CACNG3: variants seen among roughly 807,000 people sequenced by gnomAD.
The protein encoded by CACNG3 is calcium voltage-gated channel auxiliary subunit gamma 3, also known as voltage-dependent calcium channel gamma-3 subunit.
A neutral mutation model predicts 28.5 loss-of-function variants in CACNG3; 3 were observed. The observed-to-expected ratio is 0.11, with a 90% confidence interval of 0.05 to 0.27. The LOEUF (loss-of-function observed/expected upper bound fraction) is 0.27. CACNG3 is among the 10% of genes least tolerant of loss of function. CACNG3 has a pLI of 1.00. For missense variants in CACNG3, 236 were observed against 414.4 expected, an observed-to-expected ratio of 0.57 and a Z score of 3.74; for synonymous variants, 174 against 162.2, an observed-to-expected ratio of 1.07 and a Z score of -0.55.
intron 1 of CACNG3, among the ~76,000 whole-genome samples, chr16:24,334,985 T>C (rs1003529863): frequency 1.1e-4 from 17 of 152,322 alleles, no homozygotes; most frequent in African/African-American, 4.1e-4. Flanking sequence ...AAAATAGAGA[T>C]AATGATATTA....
intron 1 of CACNG3, among the ~76,000 whole-genome samples, chr16:24,338,730 G>A (rs56208891): frequency 0.15 from 22,224 of 152,122 alleles, 1,881 homozygotes; most frequent in Non-Finnish European, 0.18. Flanking sequence ...GATCAAGACC[G>A]TCTCTGTCTT....
chr16:24,268,339 G>A (rs1898642116), intron 1 of CACNG3, among the ~76,000 whole-genome samples: 1 of 152,170 alleles, frequency 6.6e-6, no homozygotes, highest in Non-Finnish European at 1.5e-5. Flanking sequence ...CTGCTAGGTG[G>A]TGACAGGGCT....
chr16:24,359,792 G>A (rs1461946828), intron 3 of CACNG3, among the ~76,000 whole-genome samples: 1 of 152,156 alleles, frequency 6.6e-6, no homozygotes, highest in African/African-American at 2.4e-5. Context: ...TAGCCCAGGA[G>A]GTTGAGGTTA....
At chr16:24,261,508 A>C (rs1308821272) in intron 1 of CACNG3, among the ~76,000 whole-genome samples, 1 of 152,196 alleles carries the variant, frequency 6.6e-6, no homozygotes, top group East Asian at 1.9e-4. Context: ...AGCCAAACCA[A>C]ATTTACCTTG....
At chr16:24,304,961 A>C (rs1596635339) in intron 1 of CACNG3, among the ~76,000 whole-genome samples, 3 of 152,346 alleles carry the variant, frequency 2.0e-5, no homozygotes, top group African/African-American at 7.2e-5. Context: ...TGTTGAATAA[A>C]CTAATTGGTA....
At chr16:24,267,426 T>A (rs913116110) in intron 1 of CACNG3, among the ~76,000 whole-genome samples, 4 of 152,150 alleles carry the variant, frequency 2.6e-5, no homozygotes, top group Admixed American at 6.5e-5. Context: ...TAGCTGCGAC[T>A]ACAGGCACAT....
At chr16:24,305,076 A>T (rs1899167027) in intron 1 of CACNG3, among the ~76,000 whole-genome samples, 1 of 152,170 alleles carries the variant, frequency 6.6e-6, no homozygotes, top group Non-Finnish European at 1.5e-5. Flanking sequence ...GTAACAAAAA[A>T]GGGATGGAAC....
chr16:24,332,836 G>A (rs1416476051), intron 1 of CACNG3, among the ~76,000 whole-genome samples: 3 of 152,016 alleles, frequency 2.0e-5, no homozygotes, highest in African/African-American at 4.8e-5. Context: ...TGCAATTCGC[G>A]GTTTTTGTCT....
chr16:24,324,437 G>A (rs1042888976), intron 1 of CACNG3, among the ~76,000 whole-genome samples: 3 of 152,016 alleles, frequency 2.0e-5, no homozygotes, highest in African/African-American at 7.2e-5. Context: ...AGACATCACT[G>A]GTGCCTGTTT....
At chr16:24,293,127 T>C (rs765288789) in intron 1 of CACNG3, among the ~76,000 whole-genome samples, 1 of 152,196 alleles carries the variant, frequency 6.6e-6, no homozygotes, top group African/African-American at 2.4e-5. Flanking sequence ...AGCCAAGAAG[T>C]TATTGTCCCT....
chr16:24,305,386 G>T (rs1870702859), intron 1 of CACNG3, among the ~76,000 whole-genome samples: 1 of 147,388 alleles, frequency 6.8e-6, no homozygotes. Flanking sequence ...TTAGAGACAG[G>T]TTTGCTCTGT....
At chr16:24,358,035 C>G (rs1394101378) in intron 3 of CACNG3, among the ~76,000 whole-genome samples, 2 of 152,172 alleles carry the variant, frequency 1.3e-5, no homozygotes, top group Non-Finnish European at 2.9e-5. Flanking sequence ...CCCAAAGAAC[C>G]CGAAGATCTT....
intron 1 of CACNG3, among the ~76,000 whole-genome samples, chr16:24,343,029 A>C (rs1034012938): frequency 3.3e-5 from 5 of 152,016 alleles, no homozygotes; most frequent in Admixed American, 2.6e-4. Flanking sequence ...TTCTCTACTA[A>C]AAATAAAAAA....
At chr16:24,299,410 C>G (rs1899076622) in intron 1 of CACNG3, among the ~76,000 whole-genome samples, 2 of 152,156 alleles carry the variant, frequency 1.3e-5, no homozygotes, top group Admixed American at 6.6e-5. Flanking sequence ...TGCTTTCCAG[C>G]ACCTCAAGAT....
intron 2 of CACNG3, among the ~76,000 whole-genome samples, chr16:24,348,624 C>T (rs1291201013): frequency 6.6e-6 from 1 of 152,148 alleles, no homozygotes; most frequent in Non-Finnish European, 1.5e-5. Flanking sequence ...TTTCTCACCC[C>T]TCACATCAGC....
chr16:24,305,637 G>A (rs1432261147), intron 1 of CACNG3, among the ~76,000 whole-genome samples: 2 of 151,940 alleles, frequency 1.3e-5, no homozygotes, highest in African/African-American at 4.8e-5. Context: ...CACACACTGG[G>A]GCCTGTCCTG....
chr16:24,325,744 C>T (rs1567219467), intron 1 of CACNG3, among the ~76,000 whole-genome samples: 4 of 152,178 alleles, frequency 2.6e-5, no homozygotes, highest in Admixed American at 2.0e-4. Context: ...GTGAGTTGCT[C>T]AGGTTTGCAG....
chr16:24,346,367 G>A (rs952397122), intron 1 of CACNG3, among the ~76,000 whole-genome samples: 1 of 152,144 alleles, frequency 6.6e-6, no homozygotes, highest in Non-Finnish European at 1.5e-5. Context: ...GTGGCCAGGA[G>A]TTTGAGGCCA....
At position 24,361,322 on chromosome 16, in the gene CACNG3, G is replaced by T; in HGVS notation, c.437-30G>T. The stretch of plus-strand genomic sequence containing the variant: ...GACAGTTCTCTCCGAGGTGTATAAA[G>T]GACGTGTTTTTCTTTTCCCCTTCTC... On this transcript the variant is annotated intron_variant, in intron 3 of 3. Coordinates refer to ENST00000005284, the MANE Select transcript of CACNG3 (RefSeq NM_006539.4). This position sits in a 1 kb window ranked among gnomAD's most constrained non-coding sequence, Gnocchi z 6.8. 1 of 1,519,288 alleles carries T rather than the reference G, an allele frequency of 6.6e-7. No homozygotes were observed. The highest frequency in any genetic ancestry group is 1.3e-5 in the South Asian group (1 of 77,884). 94.1% of individuals were successfully genotyped at this position (1,519,288 alleles called of 1,614,324 possible).
Sources: allele counts gnomAD v4.1 joint callset (sites outside exome capture counted in the v4.1 genomes callset), GRCh38; gene constraint gnomAD v4.1.1; non-coding constraint Gnocchi (gnomAD v3.1); transcripts MANE v1.5; gene names NCBI Gene and HGNC (gene_info 2026-07-23, HGNC 2026-07-21).